The following PDE4D variants were observed in gnomAD, a reference collection of about 807,000 sequenced individuals.
The protein encoded by PDE4D is 3',5'-cyclic-AMP phosphodiesterase 4D.
A neutral mutation model predicts 87.4 loss-of-function variants in PDE4D; 24 were observed. The observed-to-expected ratio is 0.27, with a 90% CI of 0.20 to 0.39. The LOEUF is 0.39. PDE4D is among the 10% of genes least tolerant of loss of function. The pLI, the probability that PDE4D is intolerant of heterozygous loss-of-function variation, is 1.00. For synonymous variants in PDE4D, 384 were observed against 383.2 expected (o/e 1.00, Z -0.02); for missense variants, 714 against 1,041.0 (o/e 0.69, Z 4.32).
intron 3 of PDE4D, among the ~76,000 whole-genome samples, chr5:59,972,761 G>A (rs563981022): frequency 3.3e-5 from 5 of 152,266 alleles, no homozygotes; most frequent in African/African-American, 9.6e-5. Context: ...ATCCAGAACT[G>A]CTAGGCTCTA....
At chr5:59,555,825 T>C (rs1818810869) in intron 1 of PDE4D, among the ~76,000 whole-genome samples, 1 of 152,104 alleles carries the variant, frequency 6.6e-6, no homozygotes, top group Non-Finnish European at 1.5e-5. Context: ...TCATCACTAA[T>C]CCTCACTTCT....
chr5:59,860,551 A>G (rs1746111515), intron 1 of PDE4D, among the ~76,000 whole-genome samples: 1 of 152,228 alleles, frequency 6.6e-6, no homozygotes, highest in African/African-American at 2.4e-5. Context: ...ATTTAAATGA[A>G]TCACTTTTAA....
At chr5:59,692,740 T>C (rs1248822763) in intron 1 of PDE4D, among the ~76,000 whole-genome samples, 1 of 152,128 alleles carries the variant, frequency 6.6e-6, no homozygotes, top group Non-Finnish European at 1.5e-5. Context: ...CTTGTTTCTG[T>C]AGCATTTAAA....
At chr5:59,971,222 G>T in intron 3 of PDE4D, among the ~76,000 whole-genome samples, 1 of 108,238 alleles carries the variant, frequency 9.2e-6, no homozygotes, top group East Asian at 3.3e-4. Context: ...TGGGGGGAGG[G>T]GGGAGGGATA....
chr5:59,719,145 T>C (rs776895441), intron 1 of PDE4D, among the ~76,000 whole-genome samples: 44 of 152,024 alleles, frequency 2.9e-4, no homozygotes, highest in Non-Finnish European at 1.9e-4. Context: ...CCCAAAACAA[T>C]GGGACTATTC....
chr5:60,109,139 A>T (rs929966889), intron 2 of PDE4D, among the ~76,000 whole-genome samples: 2 of 151,926 alleles, frequency 1.3e-5, no homozygotes, highest in Middle Eastern at 3.2e-3. Flanking sequence ...TCCAGAATCT[A>T]CAATGAACTC....
intron 1 of PDE4D, among the ~76,000 whole-genome samples, chr5:59,434,046 G>A (rs963201892): frequency 2.0e-5 from 3 of 147,994 alleles, no homozygotes; most frequent in Non-Finnish European, 3.0e-5. Context: ...TCTTTAGGAT[G>A]TTCCTAAAGA....
chr5:59,061,875 A>G (rs1305006807), intron 5 of PDE4D, among the ~76,000 whole-genome samples: 1 of 152,128 alleles, frequency 6.6e-6, no homozygotes, highest in Admixed American at 6.6e-5. Flanking sequence ...AGCAAGTATA[A>G]AACGGCTATA....
intron 1 of PDE4D, chr5:59,586,668 T>C: frequency 1.0e-6 from 1 of 985,360 alleles, no homozygotes; most frequent in Non-Finnish European, 1.2e-6. Context: ...GTTCAACTAA[T>C]AATCCTAAAT....
At chr5:59,864,952 C>T (rs1166929513) in intron 1 of PDE4D, among the ~76,000 whole-genome samples, 2 of 152,276 alleles carry the variant, frequency 1.3e-5, no homozygotes, top group East Asian at 1.9e-4. Flanking sequence ...CCCAGCACAG[C>T]AGCAGACAGT....
chr5:60,243,085 TAAGAAAA>T (rs1469378083), intron 1 of PDE4D, among the ~76,000 whole-genome samples: 1 of 151,304 alleles, frequency 6.6e-6, no homozygotes, highest in African/African-American at 2.4e-5. Flanking sequence ...TTAGCCAGAT[TAAGAAAA>T]AAGAGAGAAG....
chr5:59,274,003 G>A (rs969487084), intron 1 of PDE4D, among the ~76,000 whole-genome samples: 6 of 152,016 alleles, frequency 3.9e-5, no homozygotes, highest in Non-Finnish European at 5.9e-5. Context: ...TTTCACATAG[G>A]AATGGTATAA....
At chr5:59,124,078 G>A (rs1253023121) in intron 5 of PDE4D, among the ~76,000 whole-genome samples, 2 of 152,160 alleles carry the variant, frequency 1.3e-5, no homozygotes, top group Admixed American at 6.5e-5. Context: ...AATCAGGGGG[G>A]AACAACTTTT....
chr5:59,761,881 T>C (rs1762007845), intron 1 of PDE4D, among the ~76,000 whole-genome samples: 1 of 152,122 alleles, frequency 6.6e-6, no homozygotes, highest in South Asian at 2.1e-4. Flanking sequence ...TAACTATATA[T>C]GCTATATGTT....
chr5:59,845,280 C>T (rs1743666888), intron 1 of PDE4D, among the ~76,000 whole-genome samples: 1 of 152,108 alleles, frequency 6.6e-6, no homozygotes. Context: ...AATGCATTCC[C>T]TTTCTCTTTT....
intron 2 of PDE4D, among the ~76,000 whole-genome samples, chr5:59,215,193 C>T (rs970414341): frequency 6.6e-6 from 1 of 152,196 alleles, no homozygotes; most frequent in Non-Finnish European, 1.5e-5. Flanking sequence ...TCAAGCTGTA[C>T]TATATCTTAA....
At chr5:59,011,514 G>C (rs1049480164) in intron 6 of PDE4D, among the ~76,000 whole-genome samples, 2 of 152,208 alleles carry the variant, frequency 1.3e-5, no homozygotes, top group Non-Finnish European at 2.9e-5. Flanking sequence ...AGTTTCAGTA[G>C]CCAATTCCAT....
intron 1 of PDE4D, among the ~76,000 whole-genome samples, chr5:59,771,474 A>AGAGAGAG (rs1491463938): frequency 3.0e-4 from 29 of 97,874 alleles, no homozygotes; most frequent in African/African-American, 7.7e-4. Context: ...AGAAAGAAAG[A>AGAGAGAG]AAGAAAGAAA....
At chr5:59,920,712 G>C (rs188523602) in intron 3 of PDE4D, among the ~76,000 whole-genome samples, 9 of 152,224 alleles carry the variant, frequency 5.9e-5, no homozygotes, top group Non-Finnish European at 2.9e-5. Flanking sequence ...ACTTTGTAGG[G>C]ACACGGATGA....
Sources: allele counts gnomAD v4.1 joint callset (sites outside exome capture counted in the v4.1 genomes callset), GRCh38; gene constraint gnomAD v4.1.1; transcripts MANE v1.5; gene names NCBI Gene and HGNC (gene_info 2026-07-23, HGNC 2026-07-21).